CPNE4: variants seen among roughly 807,000 people sequenced by gnomAD.
CPNE4 encodes copine 4.
In CPNE4, 25 loss-of-function variants were observed where a neutral mutation model predicts 67.9. That is an observed-to-expected ratio of 0.37 (90% CI 0.27 to 0.51). CPNE4 has a LOEUF of 0.51. Among genes scored for constraint, CPNE4 ranks in the 20% least tolerant of loss-of-function variants. The pLI is 0.93. For missense variants in CPNE4, 464 were observed against 690.8 expected (o/e 0.67, Z 3.68); for synonymous variants, 242 against 244.9 (o/e 0.99, Z 0.11).
At chr3:131,540,328 G>A (rs192049198) in intron 15 of CPNE4, among the ~76,000 whole-genome samples, 113 of 152,324 alleles carry the variant, frequency 7.4e-4, no homozygotes, top group Non-Finnish European at 1.5e-3. Context: ...AGGAGCCTTG[G>A]AATGTGCAGT....
intron 2 of CPNE4, among the ~76,000 whole-genome samples, chr3:131,835,435 A>G (rs1278664240): frequency 2.0e-5 from 3 of 152,102 alleles, no homozygotes; most frequent in Non-Finnish European, 4.4e-5. Flanking sequence ...AGGCTGAGGC[A>G]GGAGAATCGC....
chr3:131,855,164 T>C (rs12638334), intron 2 of CPNE4, among the ~76,000 whole-genome samples: 1 of 151,664 alleles, frequency 6.6e-6, no homozygotes, highest in Non-Finnish European at 1.5e-5. Flanking sequence ...GTGCCTGATA[T>C]CAACTGATTC....
intron 1 of CPNE4, among the ~76,000 whole-genome samples, chr3:132,001,548 A>T (rs924244371): frequency 5.9e-5 from 8 of 136,684 alleles, no homozygotes; most frequent in Admixed American, 7.4e-5. Context: ...GAGACAAAGA[A>T]AAAAGAGAAA....
chr3:131,902,317 C>T (rs555840805), intron 2 of CPNE4, among the ~76,000 whole-genome samples: 1 of 152,084 alleles, frequency 6.6e-6, no homozygotes, highest in African/African-American at 2.4e-5. Flanking sequence ...TAGCTGTGTG[C>T]TATAGTTTAA....
At chr3:131,544,597 G>A (rs796634529) in intron 14 of CPNE4, among the ~76,000 whole-genome samples, 8 of 152,306 alleles carry the variant, frequency 5.3e-5, no homozygotes, top group African/African-American at 1.9e-4. Flanking sequence ...TCACAAGGAA[G>A]TTGGCTTGAG....
intron 1 of CPNE4, among the ~76,000 whole-genome samples, chr3:132,015,253 T>C (rs2073863684): frequency 6.6e-6 from 1 of 152,132 alleles, no homozygotes; most frequent in Non-Finnish European, 1.5e-5. Context: ...TGGGCTTAGG[T>C]TTTTCTTATT....
rs188320447 is a variant in CPNE4 at position 131,762,867 on chromosome 3, G to T, written c.181-39242C>A. Among the ~76,000 whole-genome samples the T allele has an allele frequency of 2.0e-3, 301 of 150,382 alleles. 3 individuals carry two copies. Among genetic ancestry groups the T allele is most frequent in the Non-Finnish European group, 4.9e-4 (33 of 67,552 alleles). ...TGAGTGTCAGCAAAGGTTTATTATG[G>T]TTTTTTTTCCAATATTGCAATTAAA... On this transcript the variant is annotated intron_variant, in intron 2 of 15. Transcript: ENST00000429747.
intron 7 of CPNE4, among the ~76,000 whole-genome samples, chr3:131,601,850 T>TG (rs1939224843): frequency 6.6e-6 from 1 of 152,028 alleles, no homozygotes; most frequent in Admixed American, 6.6e-5. Flanking sequence ...CCCTAGGAGA[T>TG]GCGGGGGATG....
At chr3:131,815,376 A>G (rs1289925123) in intron 2 of CPNE4, among the ~76,000 whole-genome samples, 1 of 152,232 alleles carries the variant, frequency 6.6e-6, no homozygotes, top group African/African-American at 2.4e-5. Context: ...GAGACATCTA[A>G]GAGCACCTGA....
At chr3:131,725,486 A>G (rs972650678) in intron 2 of CPNE4, among the ~76,000 whole-genome samples, 1 of 152,248 alleles carries the variant, frequency 6.6e-6, no homozygotes, top group African/African-American at 2.4e-5. Flanking sequence ...TGCCTGTTCC[A>G]GCTTCCCCAG....
intron 1 of CPNE4, among the ~76,000 whole-genome samples, chr3:131,910,026 A>G (rs1034992022): frequency 1.3e-5 from 2 of 152,132 alleles, no homozygotes; most frequent in Non-Finnish European, 2.9e-5. Context: ...AGATCAGTCT[A>G]GTACTAATAT....
intron 2 of CPNE4, among the ~76,000 whole-genome samples, chr3:131,800,935 A>C (rs1268885524): frequency 1.3e-5 from 2 of 152,306 alleles, no homozygotes; most frequent in East Asian, 3.9e-4. Context: ...AGGTAAATGC[A>C]TCAGATCATC....
intron 7 of CPNE4, among the ~76,000 whole-genome samples, chr3:131,606,277 C>CTTG (rs1939496742): frequency 6.6e-6 from 1 of 152,180 alleles, no homozygotes; most frequent in East Asian, 1.9e-4. Flanking sequence ...TTAATTATTG[C>CTTG]CTAATGCAAC....
intron 7 of CPNE4, among the ~76,000 whole-genome samples, chr3:131,653,803 C>G (rs1429716627): frequency 6.6e-6 from 1 of 152,178 alleles, no homozygotes; most frequent in Non-Finnish European, 1.5e-5. Flanking sequence ...ACTCTGAAGC[C>G]TGTAAATATT....
intron 10 of CPNE4, 115 bp from the exon 11 acceptor site, chr3:131,564,464 C>A (rs900558162): frequency 2.1e-5 from 19 of 897,434 alleles, no homozygotes; most frequent in South Asian, 1.1e-4. Context: ...ACATTACATA[C>A]CCTGCCAATA....
intron 3 of CPNE4, among the ~76,000 whole-genome samples, chr3:131,700,746 A>T (rs1204641704): frequency 6.6e-6 from 1 of 152,242 alleles, no homozygotes; most frequent in Non-Finnish European, 1.5e-5. Flanking sequence ...ATTACTGGGT[A>T]CATACCCAAA....
At chr3:131,655,107 T>C (rs1189872735) in intron 7 of CPNE4, among the ~76,000 whole-genome samples, 2 of 152,124 alleles carry the variant, frequency 1.3e-5, no homozygotes, top group Non-Finnish European at 2.9e-5. Context: ...GATGGGTGAA[T>C]TGAGGGAAAT....
At chr3:131,604,832 A>G (rs757393281) in intron 7 of CPNE4, among the ~76,000 whole-genome samples, 1 of 151,998 alleles carries the variant, frequency 6.6e-6, no homozygotes, top group Non-Finnish European at 1.5e-5. Flanking sequence ...CAGGGGTGAT[A>G]TGTGCAATGT....
chr3:131,695,516 G>T (rs1566696), intron 5 of CPNE4, among the ~76,000 whole-genome samples: 18,934 of 152,220 alleles, frequency 0.12, 1,426 homozygotes, highest in Middle Eastern at 0.23. Context: ...AAGCCATTAA[G>T]CAAGTAGCTT....
Sources: allele counts gnomAD v4.1 joint callset (sites outside exome capture counted in the v4.1 genomes callset), GRCh38; gene constraint gnomAD v4.1.1; transcripts MANE v1.5; gene names NCBI Gene and HGNC (gene_info 2026-07-23, HGNC 2026-07-21).